Variants in GSG1L observed in about 807,000 individuals in gnomAD.
GSG1L encodes germ cell-specific gene 1-like protein.
Under a neutral mutation model 42.1 loss-of-function variants are expected in GSG1L, and 24 were observed. The ratio of observed to expected loss-of-function variants is 0.57; its 90% CI spans 0.41 to 0.80. The LOEUF is 0.80. GSG1L is among the 30% of genes least tolerant of loss of function. GSG1L has a pLI of 0.00. For missense variants in GSG1L, 445 were observed against 472.2 expected (o/e 0.94, Z 0.53); for synonymous variants, 215 against 203.5 (o/e 1.06, Z -0.48).
intron 1 of GSG1L, among the ~76,000 whole-genome samples, chr16:28,023,277 T>C (rs903761621): frequency 7.2e-5 from 11 of 152,262 alleles, no homozygotes; most frequent in African/African-American, 2.7e-4. Flanking sequence ...CTAATCCATT[T>C]GTCTCCTATA....
intron 1 of GSG1L, among the ~76,000 whole-genome samples, chr16:28,047,154 A>G (rs2086170872): frequency 2.0e-5 from 3 of 152,346 alleles, no homozygotes; most frequent in Admixed American, 2.0e-4. Context: ...GCAATTAGCC[A>G]TGAAACCAGT....
chr16:27,865,576 CACACACAT>C (rs1250707067), intron 3 of GSG1L, among the ~76,000 whole-genome samples: 1 of 21,524 alleles, frequency 4.6e-5, no homozygotes, highest in African/African-American at 3.8e-4. Flanking sequence ...TATATATACA[CACACACAT>C]ACATACATAC....
chr16:27,969,151 A>T (rs2085164891), intron 1 of GSG1L, among the ~76,000 whole-genome samples: 1 of 152,258 alleles, frequency 6.6e-6, no homozygotes, highest in South Asian at 2.1e-4. Flanking sequence ...AATAAAGTGT[A>T]CAATTCAATG....
At chr16:27,833,155 C>T (rs2083289854) in intron 4 of GSG1L, among the ~76,000 whole-genome samples, 1 of 152,052 alleles carries the variant, frequency 6.6e-6, no homozygotes, top group South Asian at 2.1e-4. Flanking sequence ...TAAAGTAAGG[C>T]TGATTGTTTA....
intron 2 of GSG1L, among the ~76,000 whole-genome samples, chr16:27,940,230 T>C (rs1238805317): frequency 3.3e-5 from 5 of 151,900 alleles, no homozygotes; most frequent in Admixed American, 2.6e-4. Flanking sequence ...TGTGGAGAAA[T>C]AGGAACACTT....
chr16:27,890,135 C>T (rs2084108265), intron 2 of GSG1L, among the ~76,000 whole-genome samples: 2 of 152,122 alleles, frequency 1.3e-5, no homozygotes, highest in South Asian at 2.1e-4. Context: ...GGCTGTGGGG[C>T]GTAGGATTCC....
chr16:27,806,269 C>G (rs1483782956), intron 6 of GSG1L, among the ~76,000 whole-genome samples: 1 of 152,164 alleles, frequency 6.6e-6, no homozygotes, highest in African/African-American at 2.4e-5. Context: ...CTTCCCTCTC[C>G]TCTTCTCCAA....
In GSG1L at chr16:27,845,045, G is replaced by A. The variant is rs116025368; in HGVS notation, c.567C>T (p.Val189=). Residue 189 remains valine, a synonymous_variant, in exon 4 of 7, where the codon GTC becomes GTT. Coordinates refer to ENST00000447459, the MANE Select transcript of GSG1L (RefSeq NM_001109763.2). ...ACACCTGCGTGTACATCATGTGGGC[G>A]ACCATTCCCAGGAGGCCTGTGGGGC... ...FTVLSGLLGM[V]AHMMYTQVFQ... 1.5e-3 allele frequency: 2,360 copies of A among 1,612,998 alleles called. 36 individuals are homozygous for A. In the African/African-American group the frequency reaches 0.027, roughly 18 times the overall value.
intron 4 of GSG1L, among the ~76,000 whole-genome samples, chr16:27,831,524 C>A (rs1456887035): frequency 6.6e-6 from 1 of 152,188 alleles, no homozygotes; most frequent in Non-Finnish European, 1.5e-5. Flanking sequence ...ATGGCCCAGT[C>A]AGGGGACAGA....
At chr16:27,803,033 CACAG>C (rs2082901136) in intron 6 of GSG1L, among the ~76,000 whole-genome samples, 2 of 152,144 alleles carry the variant, frequency 1.3e-5, no homozygotes, top group African/African-American at 4.8e-5. Context: ...TCAAACTCCA[CACAG>C]ACAAAGCAAC....
chr16:27,979,822 GAA>G (rs1391661634), intron 1 of GSG1L, among the ~76,000 whole-genome samples: 12 of 104,650 alleles, frequency 1.1e-4, no homozygotes, highest in East Asian at 2.1e-4. Context: ...AGAAAAGAAA[GAA>G]AGAGAGAGAG....
chr16:27,823,325 G>A (rs12598412), intron 5 of GSG1L, among the ~76,000 whole-genome samples: 19 of 152,018 alleles, frequency 1.2e-4, no homozygotes, highest in Admixed American at 3.3e-4. Context: ...ACATGCATAC[G>A]CACACGCACA....
chr16:27,986,965 C>T (rs1003058569), intron 1 of GSG1L, among the ~76,000 whole-genome samples: 1 of 152,112 alleles, frequency 6.6e-6, no homozygotes, highest in African/African-American at 2.4e-5. Flanking sequence ...GCCTGTAATC[C>T]CAGCACTTTG....
chr16:27,946,641 A>G (rs868163953), intron 2 of GSG1L, among the ~76,000 whole-genome samples: 917 of 17,408 alleles, frequency 0.053, 18 homozygotes, highest in Admixed American at 0.073. Flanking sequence ...GAAAGAAAGA[A>G]AGAAAGAAAG....
intron 1 of GSG1L, among the ~76,000 whole-genome samples, chr16:28,023,836 G>A (rs2085872060): frequency 6.6e-6 from 1 of 151,990 alleles, no homozygotes; most frequent in South Asian, 2.1e-4. Context: ...ACCAGCTTGG[G>A]CAACATGGCA....
intron 5 of GSG1L, chr16:27,824,054 A>C: frequency 1.5e-6 from 1 of 647,874 alleles, no homozygotes; most frequent in Non-Finnish European, 2.8e-6. Flanking sequence ...GCTTCGAAAT[A>C]CCCTCGCCAT....
chr16:28,055,981 CAA>C (rs1239577068), intron 1 of GSG1L, among the ~76,000 whole-genome samples: 1 of 151,594 alleles, frequency 6.6e-6, no homozygotes, highest in African/African-American at 2.4e-5. Context: ...GGAAATAAAC[CAA>C]GAGAGGGAGC....
intron 2 of GSG1L, among the ~76,000 whole-genome samples, chr16:27,896,325 C>G (rs1303342016): frequency 6.6e-6 from 1 of 152,146 alleles, no homozygotes; most frequent in African/African-American, 2.4e-5. Context: ...TGAATAAGGG[C>G]TCTCAAAGGT....
Position 27,939,427 on chromosome 16 carries a change from C to T in GSG1L, c.397+23729G>A, listed in dbSNP as rs1411158085. On this transcript the variant is annotated intron_variant, in intron 2 of 6. Transcript: ENST00000447459. The stretch of plus-strand genomic sequence containing the variant: ...CCAGGCATGAGGCACCAGGCCAGCC[C>T]CCAAATTCTCAAGTTAACTACAGTG... Among the ~76,000 whole-genome samples, 3 of 152,048 alleles carry T rather than the reference C, an allele frequency of 2.0e-5. No homozygotes were observed. In the East Asian group the frequency reaches 5.8e-4, roughly 29 times the overall value.
Sources: gnomAD v4.1 joint callset for allele counts (sites outside exome capture counted in the v4.1 genomes callset) on GRCh38, gnomAD v4.1.1 for gene constraint, MANE v1.5 for transcripts, NCBI Gene and HGNC (gene_info 2026-07-23, HGNC 2026-07-21) for gene names.